DGKH: variants seen among roughly 807,000 people sequenced by gnomAD.
DGKH encodes the protein diacylglycerol kinase eta, also known as DAG kinase eta.
DGKH carries 90 observed loss-of-function variants against 159.3 expected under a neutral mutation model. The ratio of observed to expected loss-of-function variants is 0.57; its 90% CI spans 0.48 to 0.67. The LOEUF is 0.67. DGKH is among the 30% of genes least tolerant of loss of function. The probability of loss-of-function intolerance (pLI) is 0.00; values close to 1 mark genes in which losing one functional copy is unlikely to be tolerated. For synonymous variants in DGKH, 536 were observed against 553.8 expected (o/e 0.97, Z 0.45); for missense variants, 1,181 against 1,506.1 (o/e 0.78, Z 3.57).
At chr13:42,085,876 T>A (rs1954291156) in intron 1 of DGKH, among the ~76,000 whole-genome samples, 1 of 152,240 alleles carries the variant, frequency 6.6e-6, no homozygotes. Flanking sequence ...ATTTACTACA[T>A]ACTGATACTC....
At chr13:42,155,040 GCATTGTGTATTTGGGTC>G (rs1956007861) in intron 3 of DGKH, among the ~76,000 whole-genome samples, 2 of 152,120 alleles carry the variant, frequency 1.3e-5, no homozygotes, top group Admixed American at 1.3e-4. Flanking sequence ...GAATAAGAAT[GCATTGTGTATTTGGGTC>G]CATAGCCTTA....
Position 42,062,933 on chromosome 13 carries a change from G to C in DGKH, c.192+13968G>C, listed in dbSNP as rs75198146. 3.1e-4 allele frequency among the ~76,000 whole-genome samples: 47 copies of C among 152,198 alleles called. 1 individual carries two copies. Among genetic ancestry groups the C allele is most frequent in the African/African-American group, 1.0e-3 (42 of 41,516 alleles). On this transcript the variant is annotated intron_variant, in intron 1 of 29. Coordinates refer to ENST00000337343, the MANE Select transcript of DGKH (RefSeq NM_178009.5). The stretch of plus-strand genomic sequence containing the variant: ...CTTGTAGTTGATACAAGGGGATGGA[G>C]TGATATGTTCTTAGCTATTATGGGA...
intron 1 of DGKH, among the ~76,000 whole-genome samples, chr13:42,122,431 C>T (rs368408944): frequency 1.3e-5 from 2 of 152,170 alleles, no homozygotes; most frequent in South Asian, 2.1e-4. Context: ...CACAGAGTAT[C>T]ACATGGCAAG....
At position 42,189,192 on chromosome 13, in the gene DGKH, C is replaced by T; in HGVS notation, c.1795C>T (p.Leu599Phe). 1.9e-6 allele frequency: 3 copies of T among 1,614,230 alleles called. No homozygotes were observed. Among genetic ancestry groups the T allele is most frequent in the Non-Finnish European group, 2.5e-6 (3 of 1,180,044 alleles). The change falls in exon 15 of 30, where the codon CTT (leucine) becomes TTT (phenylalanine). Residue 599 changes from leucine (L) to phenylalanine (F), a missense_variant. Coordinates refer to ENST00000337343, the MANE Select transcript of DGKH (RefSeq NM_178009.5). ...EESLGESKEQ[L>F]GDDVTKPSSQ... is the part of the protein sequence containing the mutation. The stretch of plus-strand genomic sequence containing the variant: ...GTCCCTGGGTGAAAGCAAAGAGCAG[C>T]TTGGGGATGACGTTACAAAACCTTC...
chr13:42,100,157 A>G (rs1233290975), intron 1 of DGKH, among the ~76,000 whole-genome samples: 2 of 152,174 alleles, frequency 1.3e-5, no homozygotes, highest in Admixed American at 1.3e-4. Flanking sequence ...GCCTCCTGTC[A>G]GATCTGCAGC....
intron 24 of DGKH, 130 bp downstream of exon 24, chr13:42,210,895 C>A: frequency 1.3e-6 from 1 of 745,212 alleles, no homozygotes. Flanking sequence ...TCACACAGCA[C>A]TCTTTCCATT....
chr13:42,189,930 AGTGCTGGGATTACAGGC>A (rs1190611152), intron 15 of DGKH, among the ~76,000 whole-genome samples: 3 of 152,176 alleles, frequency 2.0e-5, no homozygotes, highest in Non-Finnish European at 4.4e-5. Flanking sequence ...AGCCTCCCGA[AGTGCTGGGATTACAGGC>A]GTGAACCACT....
At chr13:42,126,248 G>A (rs780741612) in intron 1 of DGKH, among the ~76,000 whole-genome samples, 3 of 152,156 alleles carry the variant, frequency 2.0e-5, no homozygotes, top group Non-Finnish European at 2.9e-5. Context: ...GTCAGAAGAT[G>A]GAAAGTACTT....
intron 3 of DGKH, among the ~76,000 whole-genome samples, chr13:42,147,182 C>T (rs1030882923): frequency 6.6e-6 from 1 of 151,976 alleles, no homozygotes; most frequent in Non-Finnish European, 1.5e-5. Context: ...ATAAATGATG[C>T]CTTTAATTAA....
intron 15 of DGKH, among the ~76,000 whole-genome samples, chr13:42,189,873 G>T (rs904737981): frequency 6.6e-6 from 1 of 152,162 alleles, no homozygotes; most frequent in African/African-American, 2.4e-5. Flanking sequence ...TCACCATGTT[G>T]CCCAGGCTGA....
Position 42,155,721 on chromosome 13 carries a change from T to C in DGKH, c.544T>C (p.Ser182Pro), listed in dbSNP as rs1956026737. The change falls in exon 5 of 30, where the codon TCC (serine) becomes CCC (proline). Residue 182 changes from serine (S) to proline (P), a missense_variant. Ser to Pro is a moderately conservative substitution (Grantham distance 74). Transcript: ENST00000337343. Reference protein sequence around the residue: ...FSGMHNWYACSHARPTFCNVC... With the variant: ...FSGMHNWYACPHARPTFCNVC... Reference sequence around the variant, plus strand: ...AGGGATGCACAACTGGTACGCCTGCTCCCACGCCCGACCCACCTTCTGTAA... The same window carrying C: ...AGGGATGCACAACTGGTACGCCTGCCCCCACGCCCGACCCACCTTCTGTAA... 1 of 1,614,048 alleles carries C rather than the reference T, an allele frequency of 6.2e-7. No individual in the cohort carries two copies. Among genetic ancestry groups the C allele is most frequent in the African/African-American group, 1.3e-5 (1 of 74,918 alleles).
chr13:42,084,184 G>A (rs1197926896), intron 1 of DGKH, among the ~76,000 whole-genome samples: 1 of 152,088 alleles, frequency 6.6e-6, no homozygotes, highest in Admixed American at 6.5e-5. Context: ...ATACATATAT[G>A]TCTTGCATCA....
chr13:42,170,278 T>G (rs1956415807), intron 11 of DGKH, among the ~76,000 whole-genome samples: 1 of 152,102 alleles, frequency 6.6e-6, no homozygotes, highest in Non-Finnish European at 1.5e-5. Flanking sequence ...TCGGGGGAGG[T>G]GGCTCACGCC....
At chr13:42,256,138 A>G in intron 30 of DGKH, 3 of 1,177,886 alleles carry the variant, frequency 2.5e-6, no homozygotes, top group Non-Finnish European at 3.8e-6. Flanking sequence ...AGTGTGAAGC[A>G]ATGACCATGG....
chr13:42,070,775 C>A, intron 1 of DGKH: 1 of 1,557,216 alleles, frequency 6.4e-7, no homozygotes. Context: ...TACTCCTGAA[C>A]AATGTAAACA....
chr13:42,155,425 G>A, intron 4 of DGKH, 30 bp downstream of exon 4: 1 of 1,590,280 alleles, frequency 6.3e-7, no homozygotes, highest in South Asian at 1.1e-5. Flanking sequence ...TTCATCTCGT[G>A]TTCTTAGGAA....
At chr13:42,131,540 G>C (rs1163245537) in intron 3 of DGKH, among the ~76,000 whole-genome samples, 1 of 152,218 alleles carries the variant, frequency 6.6e-6, no homozygotes, top group Admixed American at 6.5e-5. Context: ...GTTATTTGCT[G>C]TGAGTGAAAG....
intron 7 of DGKH, among the ~76,000 whole-genome samples, chr13:42,164,496 G>A (rs1956266535): frequency 6.6e-6 from 1 of 152,102 alleles, no homozygotes; most frequent in Admixed American, 6.5e-5. Flanking sequence ...ATAAATACAG[G>A]TTTAATTATG....
intron 29 of DGKH, among the ~76,000 whole-genome samples, chr13:42,227,981 ATAAT>A (rs1057259145): frequency 2.4e-4 from 36 of 152,290 alleles, no homozygotes; most frequent in East Asian, 1.2e-3. Flanking sequence ...CATCTTTTTA[ATAAT>A]TTTCAAATAT....
Sources: gnomAD v4.1 joint callset for allele counts (sites outside exome capture counted in the v4.1 genomes callset) on GRCh38, gnomAD v4.1.1 for gene constraint, MANE v1.5 for transcripts, NCBI Gene and HGNC (gene_info 2026-07-23, HGNC 2026-07-21) for gene names.